ADGRL3: variants seen among roughly 807,000 people sequenced by gnomAD.
The protein encoded by ADGRL3 is adhesion G protein-coupled receptor L3.
ADGRL3 carries 62 observed loss-of-function variants against 153.5 expected under a neutral mutation model. The ratio of observed to expected loss-of-function variants is 0.40; its 90% CI spans 0.33 to 0.50. The LOEUF is 0.50. Among genes scored for constraint, ADGRL3 ranks in the 20% least tolerant of loss-of-function variants. The pLI, the probability that ADGRL3 is intolerant of heterozygous loss-of-function variation, is 0.47. For synonymous variants in ADGRL3, 710 were observed against 672.5 expected (o/e 1.06, Z -0.86); for missense variants, 1,641 against 1,859.4 (o/e 0.88, Z 2.16).
At chr4:61,215,491 GC>G (rs1181144828) in intron 1 of ADGRL3, among the ~76,000 whole-genome samples, 14 of 150,072 alleles carry the variant, frequency 9.3e-5, no homozygotes, top group African/African-American at 3.4e-4. Context: ...GAAGTAACTT[GC>G]CCAAAGTTAC....
At chr4:61,888,120 A>C (rs2098549829) in intron 9 of ADGRL3, among the ~76,000 whole-genome samples, 1 of 152,178 alleles carries the variant, frequency 6.6e-6, no homozygotes, top group African/African-American at 2.4e-5. Context: ...GCTAAGAAGG[A>C]GTTTTGTTTA....
chr4:61,207,982 A>G (rs1738100621), intron 1 of ADGRL3, among the ~76,000 whole-genome samples: 2 of 152,208 alleles, frequency 1.3e-5, no homozygotes, highest in African/African-American at 4.8e-5. Flanking sequence ...GGTTGGATAT[A>G]GTTATTAATT....
intron 9 of ADGRL3, among the ~76,000 whole-genome samples, chr4:61,860,810 G>T (rs147969416): frequency 6.6e-6 from 1 of 152,224 alleles, no homozygotes; most frequent in East Asian, 1.9e-4. Flanking sequence ...TTATTAGATA[G>T]TTATTATTAT....
At chr4:61,826,169 A>C (rs2097798507) in intron 9 of ADGRL3, among the ~76,000 whole-genome samples, 1 of 152,178 alleles carries the variant, frequency 6.6e-6, no homozygotes, top group South Asian at 2.1e-4. Context: ...ATTGATTATT[A>C]TTATAGCCAT....
chr4:61,756,134 A>G (rs532571900), intron 8 of ADGRL3, among the ~76,000 whole-genome samples: 1 of 152,256 alleles, frequency 6.6e-6, no homozygotes, highest in South Asian at 2.1e-4. Context: ...ACTTTAAAGT[A>G]GTTTTTTCCA....
intron 2 of ADGRL3, among the ~76,000 whole-genome samples, chr4:61,474,975 A>G (rs1178961143): frequency 6.6e-6 from 1 of 152,174 alleles, no homozygotes; most frequent in African/African-American, 2.4e-5. Flanking sequence ...TTTTTAATTT[A>G]AAATGATTAA....
chr4:61,464,078 G>T (rs1381442296), intron 2 of ADGRL3, among the ~76,000 whole-genome samples: 1 of 152,060 alleles, frequency 6.6e-6, no homozygotes, highest in Non-Finnish European at 1.5e-5. Context: ...AAAATGGTTT[G>T]GTTGTCTTCC....
chr4:61,843,116 A>G (rs1258211274), intron 9 of ADGRL3, among the ~76,000 whole-genome samples: 1 of 152,200 alleles, frequency 6.6e-6, no homozygotes, highest in South Asian at 2.1e-4. Context: ...TTGGAAAGGT[A>G]TGATAGAAGA....
chr4:61,406,157 T>C (rs2096992707), intron 2 of ADGRL3, among the ~76,000 whole-genome samples: 1 of 151,938 alleles, frequency 6.6e-6, no homozygotes, highest in Non-Finnish European at 1.5e-5. Context: ...TTCTGTGTGC[T>C]TCTTAAAGAT....
At chr4:61,703,180 C>G (rs1006023012) in intron 6 of ADGRL3, among the ~76,000 whole-genome samples, 3 of 152,034 alleles carry the variant, frequency 2.0e-5, no homozygotes, top group African/African-American at 7.2e-5. Context: ...CTCAGTTTCC[C>G]TGTCAGTAAA....
intron 9 of ADGRL3, among the ~76,000 whole-genome samples, chr4:61,814,226 A>T (rs574043794): frequency 1.4e-5 from 2 of 143,190 alleles, no homozygotes; most frequent in Non-Finnish European, 3.1e-5. Flanking sequence ...CTACTATCTT[A>T]TTTTTTTTTT....
intron 4 of ADGRL3, among the ~76,000 whole-genome samples, chr4:61,557,339 CAA>C (rs2098771849): frequency 6.6e-6 from 1 of 152,114 alleles, no homozygotes; most frequent in African/African-American, 2.4e-5. Flanking sequence ...TAATCTAAAA[CAA>C]ATTTCCTTTA....
chr4:61,235,927 A>T (rs1438721326), intron 1 of ADGRL3, among the ~76,000 whole-genome samples: 1 of 151,890 alleles, frequency 6.6e-6, no homozygotes, highest in African/African-American at 2.4e-5. Context: ...AGCTTCTGTG[A>T]ACTTTGGATC....
At position 61,520,766 on chromosome 4, in the gene ADGRL3, G is replaced by T. The variant is rs1288399703; in HGVS notation, c.259+3248G>T. Among the ~76,000 whole-genome samples, 3 of 151,122 alleles carry T rather than the reference G, an allele frequency of 2.0e-5. No individual in the cohort carries two copies. The East Asian group carries it at 5.9e-4, about 30-fold the overall frequency. On this transcript the variant is annotated intron_variant, in intron 4 of 26. Coordinates refer to ENST00000683033, the MANE Select transcript of ADGRL3 (RefSeq NM_001387552.1). ...ATGTGTCATAGTATGGAATTCTAAG[G>T]ACCCTTGAGTACTAAACCTTAGATA...
chr4:61,474,673 T>C lies in ADGRL3; in HGVS notation c.-173-22448T>C, dbSNP rs192032115. On this transcript the variant is annotated intron_variant, in intron 2 of 26. Transcript: ENST00000683033. Reference sequence around the variant, plus strand: ...TTCATTGTGTTGCTTTTATAATTTCTTTTTCCCCTTAAACAGAAAGAAATA... The same window carrying C: ...TTCATTGTGTTGCTTTTATAATTTCCTTTTCCCCTTAAACAGAAAGAAATA... Among the ~76,000 whole-genome samples the C allele has an allele frequency of 1.6e-3, 242 of 152,242 alleles. 1 individual carries two copies. Among genetic ancestry groups the C allele is most frequent in the African/African-American group, 5.5e-3 (230 of 41,580 alleles).
chr4:61,356,393 G>T (rs1187139489), intron 1 of ADGRL3, among the ~76,000 whole-genome samples: 4 of 151,638 alleles, frequency 2.6e-5, no homozygotes, highest in Non-Finnish European at 5.9e-5. Context: ...ACACTGTTTT[G>T]TTATTTCAGT....
intron 1 of ADGRL3, among the ~76,000 whole-genome samples, chr4:61,243,288 A>G (rs1165694403): frequency 6.6e-6 from 1 of 152,060 alleles, no homozygotes; most frequent in Non-Finnish European, 1.5e-5. Flanking sequence ...TTGCAGCCAA[A>G]TGGTTTTGCA....
At chr4:61,601,176 C>G (rs1470343987) in intron 5 of ADGRL3, among the ~76,000 whole-genome samples, 1 of 152,096 alleles carries the variant, frequency 6.6e-6, no homozygotes, top group East Asian at 1.9e-4. Context: ...TTGTGATTAA[C>G]AAGTTTTCAA....
chr4:61,813,144 C>T (rs1224354246), intron 8 of ADGRL3, among the ~76,000 whole-genome samples: 1 of 152,114 alleles, frequency 6.6e-6, no homozygotes, highest in African/African-American at 2.4e-5. Flanking sequence ...TCTGTAATCC[C>T]AGCACTTTGG....
Sources: allele counts gnomAD v4.1 joint callset (sites outside exome capture counted in the v4.1 genomes callset), GRCh38; gene constraint gnomAD v4.1.1; transcripts MANE v1.5; gene names NCBI Gene and HGNC (gene_info 2026-07-23, HGNC 2026-07-21).